PRUNE2: variants seen among roughly 807,000 people sequenced by gnomAD.
The protein encoded by PRUNE2 is prune homolog 2 with BCH domain.
A neutral mutation model predicts 252.0 loss-of-function variants in PRUNE2; 164 were observed. The ratio of observed to expected loss-of-function variants is 0.65; its 90% CI spans 0.57 to 0.74. PRUNE2 has a LOEUF of 0.74. Among genes scored for constraint, PRUNE2 ranks in the 30% least tolerant of loss-of-function variants. The pLI is 0.00. For synonymous variants in PRUNE2, 1,292 were observed against 1,350.2 expected, an observed-to-expected ratio of 0.96 and a Z score of 0.94; for missense variants, 3,495 against 3,711.0, an observed-to-expected ratio of 0.94 and a Z score of 1.51.
At position 76,708,830 on chromosome 9, in the gene PRUNE2, G is replaced by A; in HGVS notation, c.3444C>T (p.Pro1148=). Residue 1148 remains proline, a synonymous_variant, in exon 8 of 19, where the codon CCC becomes CCT. Coordinates refer to ENST00000376718, the MANE Select transcript of PRUNE2 (RefSeq NM_015225.3). ...WDDCSGGAAI[P]SDGQTEGYMA... is the part of the protein sequence containing the mutation. ...TGTATCCTTCTGTTTGACCATCACT[G>A]GGGATTGCCGCACCCCCACTGCAGT... The A allele has an allele frequency of 6.2e-7, 1 of 1,613,856 alleles. No homozygotes were observed. The highest frequency in any genetic ancestry group is 8.5e-7 in the Non-Finnish European group (1 of 1,179,880).
chr9:76,643,963 G>A (rs1484651067), intron 12 of PRUNE2, among the ~76,000 whole-genome samples: 1 of 152,150 alleles, frequency 6.6e-6, no homozygotes, highest in African/African-American at 2.4e-5. Flanking sequence ...GAACAGCTGG[G>A]TGGTTACAGT....
At chr9:76,667,118 A>C (rs549206681) in intron 9 of PRUNE2, among the ~76,000 whole-genome samples, 1 of 152,362 alleles carries the variant, frequency 6.6e-6, no homozygotes, top group Non-Finnish European at 1.5e-5. Flanking sequence ...AACATAATTT[A>C]GAAATATAGG....
intron 1 of PRUNE2, among the ~76,000 whole-genome samples, chr9:76,866,778 G>T (rs113913061): frequency 6.6e-6 from 1 of 151,976 alleles, no homozygotes; most frequent in African/African-American, 2.4e-5. Context: ...AAAAGAGAGC[G>T]AGAGAAAGAG....
At chr9:76,852,802 G>GTCTATCTA (rs752466371) in intron 2 of PRUNE2, among the ~76,000 whole-genome samples, 8 of 150,494 alleles carry the variant, frequency 5.3e-5, no homozygotes, top group South Asian at 2.1e-4. Context: ...CCATCTGTCT[G>GTCTATCTA]TCTGTCTATC....
At chr9:76,890,898 T>C (rs921492474) in intron 1 of PRUNE2, among the ~76,000 whole-genome samples, 1 of 152,242 alleles carries the variant, frequency 6.6e-6, no homozygotes, top group Non-Finnish European at 1.5e-5. Context: ...GTTTTCTTTA[T>C]TCACCAGCGT....
intron 11 of PRUNE2, among the ~76,000 whole-genome samples, chr9:76,649,840 G>A (rs1364756734): frequency 6.6e-6 from 1 of 152,048 alleles, no homozygotes; most frequent in African/African-American, 2.4e-5. Flanking sequence ...AAATTGCATT[G>A]TGAGCAAAAA....
chr9:76,752,096 G>GTT (rs2050665483), intron 6 of PRUNE2, among the ~76,000 whole-genome samples: 1 of 21,440 alleles, frequency 4.7e-5, no homozygotes, highest in African/African-American at 3.6e-4. Flanking sequence ...TTTTTTTTTT[G>GTT]GTTTTTTTTT....
chr9:76,722,224 AT>A (rs57390775), intron 6 of PRUNE2, among the ~76,000 whole-genome samples: 18,874 of 130,480 alleles, frequency 0.14, 2,213 homozygotes, highest in African/African-American at 0.36. Flanking sequence ...ACACCCTGCT[AT>A]TTTTTTTTTT....
rs1564088759 is a variant in PRUNE2 at position 76,705,075 on chromosome 9, T to C, written c.7199A>G (p.Tyr2400Cys). The part of the protein sequence containing the change: ...APYTPPFDLS[Y>C]LTEPAQSAET... ...AGCACTCTGGGCAGGTTCTGTGAGATAAGACAAATCAAAGGGAGGTGTGTA... is the reference window on the plus strand; with the variant it reads ...AGCACTCTGGGCAGGTTCTGTGAGACAAGACAAATCAAAGGGAGGTGTGTA... The change falls in exon 8 of 19, where the codon TAT becomes TGT. Residue 2400 changes from tyrosine to cysteine, a missense_variant. Coordinates refer to ENST00000376718, the MANE Select transcript of PRUNE2 (RefSeq NM_015225.3). 6.2e-7 allele frequency: 1 copy of C among 1,613,906 alleles called. No homozygotes were observed. Among genetic ancestry groups the C allele is most frequent in the Non-Finnish European group, 8.5e-7 (1 of 1,179,912 alleles).
chr9:76,821,155 TA>T (rs948146718), intron 6 of PRUNE2, among the ~76,000 whole-genome samples: 3 of 152,162 alleles, frequency 2.0e-5, no homozygotes, highest in African/African-American at 7.2e-5. Context: ...AGGGTGGTAA[TA>T]AAAAATAGTG....
intron 4 of PRUNE2, among the ~76,000 whole-genome samples, chr9:76,834,647 C>T (rs1407082824): frequency 6.6e-6 from 1 of 152,066 alleles, no homozygotes. Flanking sequence ...TTAGTGAAAA[C>T]AGACATCTGA....
At chr9:76,794,557 G>C (rs561778154) in intron 6 of PRUNE2, among the ~76,000 whole-genome samples, 1 of 149,708 alleles carries the variant, frequency 6.7e-6, no homozygotes, top group African/African-American at 2.5e-5. Context: ...AGAGGTTGCA[G>C]TGAGCCCAGA....
At chr9:76,752,192 G>A (rs977447924) in intron 6 of PRUNE2, among the ~76,000 whole-genome samples, 2 of 151,826 alleles carry the variant, frequency 1.3e-5, no homozygotes, top group African/African-American at 4.8e-5. Flanking sequence ...CCGCCTCCTG[G>A]GTTCACGCCA....
chr9:76,657,143 AT>A (rs1404237955), intron 9 of PRUNE2, among the ~76,000 whole-genome samples: 1 of 152,212 alleles, frequency 6.6e-6, no homozygotes, highest in African/African-American at 2.4e-5. Flanking sequence ...ATTCCTTACA[AT>A]GATCTTTGTC....
At chr9:76,850,705 G>A (rs1031027019) in intron 2 of PRUNE2, 40 bp from the exon 3 acceptor site, 2 of 1,431,802 alleles carry the variant, frequency 1.4e-6, no homozygotes, top group Non-Finnish European at 2.0e-6. Flanking sequence ...GAAAATAGCA[G>A]GAGGAAAGAA....
At chr9:76,783,218 C>A (rs982024072) in intron 6 of PRUNE2, among the ~76,000 whole-genome samples, 19 of 152,198 alleles carry the variant, frequency 1.2e-4, no homozygotes, top group African/African-American at 4.1e-4. Context: ...CTCACTGCAA[C>A]CTCCGCCTCC....
At chr9:76,781,260 C>T (rs1459626253) in intron 6 of PRUNE2, among the ~76,000 whole-genome samples, 1 of 152,076 alleles carries the variant, frequency 6.6e-6, no homozygotes, top group East Asian at 1.9e-4. Flanking sequence ...CAGTGGCTTC[C>T]CTTGAACTTA....
chr9:76,675,988 C>T (rs377271955), intron 9 of PRUNE2, among the ~76,000 whole-genome samples: 4 of 148,398 alleles, frequency 2.7e-5, no homozygotes, highest in Admixed American at 6.8e-5. Context: ...GTGGGTGCAG[C>T]GCACCAGCAT....
intron 1 of PRUNE2, among the ~76,000 whole-genome samples, chr9:76,863,957 A>G (rs1393819229): frequency 6.6e-6 from 1 of 152,182 alleles, no homozygotes; most frequent in East Asian, 1.9e-4. Flanking sequence ...ACCCAAAAGA[A>G]AAGAAATCAT....
Sources: gnomAD v4.1 joint callset for allele counts (sites outside exome capture counted in the v4.1 genomes callset) on GRCh38, gnomAD v4.1.1 for gene constraint, MANE v1.5 for transcripts, NCBI Gene and HGNC (gene_info 2026-07-23, HGNC 2026-07-21) for gene names.